The following DNAI2 variants were observed in gnomAD, a reference collection of about 807,000 sequenced individuals.
DNAI2 encodes dynein axonemal intermediate chain 2, also known as dynein, axonemal, intermediate polypeptide 2.
In DNAI2, 63 loss-of-function variants were observed where a neutral mutation model predicts 74.7. That is an observed-to-expected ratio of 0.84 (90% CI 0.69 to 1.04). The LOEUF is 1.04. DNAI2 is among the 50% of genes least tolerant of loss of function. The pLI is 0.00. For missense variants in DNAI2, 688 were observed against 803.2 expected (o/e 0.86, Z 1.73); for synonymous variants, 289 against 314.9 (o/e 0.92, Z 0.87).
intron 6 of DNAI2, among the ~76,000 whole-genome samples, chr17:74,291,726 A>T (rs1368919286): frequency 6.6e-6 from 1 of 152,230 alleles, no homozygotes; most frequent in Admixed American, 6.5e-5. Context: ...GCCGCCATAA[A>T]GGGATGATGA....
At chr17:74,307,528 GC>G (rs1211993301) in intron 9 of DNAI2, among the ~76,000 whole-genome samples, 2 of 150,508 alleles carry the variant, frequency 1.3e-5, no homozygotes, top group Non-Finnish European at 3.0e-5. Context: ...AATCAGCTGG[GC>G]TTGGTGGCTA....
chr17:74,303,500 G>C (rs151302078), intron 8 of DNAI2, among the ~76,000 whole-genome samples: 69 of 152,146 alleles, frequency 4.5e-4, no homozygotes, highest in Middle Eastern at 3.4e-3. Context: ...GAGTGCAGTT[G>C]TGTAATCTCA....
chr17:74,305,720 T>G (rs1387958382), intron 9 of DNAI2, among the ~76,000 whole-genome samples: 3 of 145,182 alleles, frequency 2.1e-5, no homozygotes, highest in Non-Finnish European at 4.5e-5. Flanking sequence ...TTCCCCAGAC[T>G]GAGTGCAGTG....
Position 74,305,296 on chromosome 17 carries a change from G to T in DNAI2, c.1065G>T (p.Lys355Asn), listed in dbSNP as rs551163932. 2 of 1,614,122 alleles carry T rather than the reference G, an allele frequency of 1.2e-6. No homozygotes were observed. The highest frequency in any genetic ancestry group is 1.3e-5 in the African/African-American group (1 of 74,938). ...CNRKAKTSAE[K>N]IVCTFPGHHG... ...GCAAGGCCAAGACGTCAGCTGAAAA[G>T]ATTGTGTGCACCTTCCCGGGCCATC... Residue 355 changes from lysine (K) to asparagine (N), a missense_variant, in exon 9 of 14, where the codon AAG becomes AAT. Physicochemically the swap from Lys to Asn is moderately conservative, Grantham distance 94. Coordinates refer to ENST00000311014, the MANE Select transcript of DNAI2 (RefSeq NM_023036.6).
At chr17:74,278,267 C>CA (rs71361610) in intron 1 of DNAI2, among the ~76,000 whole-genome samples, 15,559 of 143,788 alleles carry the variant, frequency 0.11, 1,030 homozygotes, top group Non-Finnish European at 0.16. Context: ...CTCAACTCTA[C>CA]AAAAAAAAAA....
chr17:74,302,760 TC>T (rs750964634), intron 8 of DNAI2, among the ~76,000 whole-genome samples: 2 of 152,160 alleles, frequency 1.3e-5, no homozygotes, highest in Non-Finnish European at 2.9e-5. Flanking sequence ...CAGGCCTGGT[TC>T]CCCCTTGGGG....
intron 10 of DNAI2, chr17:74,309,777 C>A: frequency 1.5e-6 from 1 of 645,762 alleles, no homozygotes; most frequent in Non-Finnish European, 2.7e-6. Context: ...AGGGTGGGGG[C>A]ATTGGGGAAC....
intron 9 of DNAI2, among the ~76,000 whole-genome samples, chr17:74,305,699 G>A (rs2060032714): frequency 8.2e-6 from 1 of 121,428 alleles, no homozygotes; most frequent in Admixed American, 9.8e-5. Context: ...TTTTGAGACA[G>A]TCTCGCTTAG....
intron 1 of DNAI2, among the ~76,000 whole-genome samples, chr17:74,277,239 TA>T (rs1294517522): frequency 6.6e-6 from 1 of 151,780 alleles, no homozygotes; most frequent in Non-Finnish European, 1.5e-5. Flanking sequence ...ATACAAAAAT[TA>T]GCCGCGAATG....
At chr17:74,298,565 C>T (rs1465541732) in intron 6 of DNAI2, among the ~76,000 whole-genome samples, 6 of 152,092 alleles carry the variant, frequency 3.9e-5, no homozygotes, top group African/African-American at 1.2e-4. Context: ...CCTCAGCCTC[C>T]CAAAGTGCTG....
In DNAI2 at chr17:74,291,754, A is replaced by G. The variant is rs193222430; in HGVS notation, c.724+621A>G. Among the ~76,000 whole-genome samples the G allele has an allele frequency of 4.6e-5, 7 of 152,268 alleles. No individual in the cohort carries two copies. The East Asian group carries it at 1.3e-3, about 29-fold the overall frequency. On this transcript the variant is annotated intron_variant, in intron 6 of 13. Coordinates refer to ENST00000311014, the MANE Select transcript of DNAI2 (RefSeq NM_023036.6). ...GATGATGAGAGCGTTGGGGAGCCCT[A>G]TTTTGGGAGAGGTTTCTGGGAAACC...
chr17:74,293,736 A>G (rs916352234), intron 6 of DNAI2, among the ~76,000 whole-genome samples: 1 of 151,632 alleles, frequency 6.6e-6, no homozygotes, highest in African/African-American at 2.4e-5. Flanking sequence ...AAAATAAAGT[A>G]TGTCTCTTGT....
Position 74,285,047 on chromosome 17 carries a change from CAG to C in DNAI2, c.194_195del (p.Glu65AlafsTer3). 6.2e-7 allele frequency: 1 copy of C among 1,614,206 alleles called. No homozygotes were observed. The highest frequency in any genetic ancestry group is 1.1e-5 in the South Asian group (1 of 91,080). ...CTGCGGCTCTCTGTTTAGGCCAACT[CAG>C]AGCGGTTTGAGATGGAGACCCGGGG... is the stretch of plus-strand genomic sequence containing the variant. On this transcript the variant is annotated frameshift_variant, in exon 3 of 14. Transcript: ENST00000311014. LOFTEE classifies it high-confidence loss of function.
intron 1 of DNAI2, among the ~76,000 whole-genome samples, chr17:74,280,818 GGCTCATACCT>G (rs2051345557): frequency 6.6e-6 from 1 of 152,058 alleles, no homozygotes; most frequent in African/African-American, 2.4e-5. Context: ...CACGTGCGAT[GGCTCATACCT>G]GTAATCCCAG....
At position 74,287,015 on chromosome 17, in the gene DNAI2, C is replaced by T; in HGVS notation, c.384C>T (p.Asp128=). The T allele has an allele frequency of 6.2e-7, 1 of 1,613,860 alleles. No individual in the cohort carries two copies. The highest frequency in any genetic ancestry group is 1.1e-5 in the South Asian group (1 of 91,066). The change falls in exon 4 of 14, where the codon GAC becomes GAT. Residue 128 remains aspartate (D), a synonymous_variant. Coordinates refer to ENST00000311014, the MANE Select transcript of DNAI2 (RefSeq NM_023036.6). The part of the protein sequence containing the change: ...EHCIKQNNAI[D]IYEEYFNDEE... ...GCATCAAGCAGAACAATGCCATTGACATCTATGAAGAGTATTTCAATGACG... is the reference window on the plus strand; with the variant it reads ...GCATCAAGCAGAACAATGCCATTGATATCTATGAAGAGTATTTCAATGACG...
At position 74,294,268 on chromosome 17, in the gene DNAI2, T is replaced by G. The variant is rs2052301860; in HGVS notation, c.724+3135T>G. Among the ~76,000 whole-genome samples the G allele has an allele frequency of 3.3e-5, 5 of 151,826 alleles. No homozygotes were observed. The South Asian group carries it at 1.0e-3, about 32-fold the overall frequency. On this transcript the variant is annotated intron_variant, in intron 6 of 13. Coordinates refer to ENST00000311014, the MANE Select transcript of DNAI2 (RefSeq NM_023036.6). ...GCCTTCTTTTGTGCCACGTATTTTC[T>G]AGTGTACCATTTTAATTCCCTTATC... is the stretch of plus-strand genomic sequence containing the variant.
chr17:74,295,946 T>C (rs2052397071), intron 6 of DNAI2, among the ~76,000 whole-genome samples: 1 of 152,172 alleles, frequency 6.6e-6, no homozygotes, highest in Admixed American at 6.5e-5. Flanking sequence ...TGAGCATGCC[T>C]TTACACTCAG....
At chr17:74,293,297 T>C (rs2052238212) in intron 6 of DNAI2, among the ~76,000 whole-genome samples, 1 of 152,194 alleles carries the variant, frequency 6.6e-6, no homozygotes, top group Non-Finnish European at 1.5e-5. Context: ...CTCCTTCAAT[T>C]TTGTCAGGTT....
chr17:74,313,764 G>A, intron 12 of DNAI2: 1 of 335,984 alleles, frequency 3.0e-6, no homozygotes, highest in East Asian at 6.9e-5. Context: ...TTTTACATAG[G>A]CTGGGTCCTT....
Sources: allele counts gnomAD v4.1 joint callset (sites outside exome capture counted in the v4.1 genomes callset), GRCh38; gene constraint gnomAD v4.1.1; transcripts MANE v1.5; gene names NCBI Gene and HGNC (gene_info 2026-07-23, HGNC 2026-07-21).